The following CADM2 variants were observed in gnomAD, a reference collection of about 807,000 sequenced individuals.
The protein encoded by CADM2 is cell adhesion molecule 2, also known as immunoglobulin superfamily member 4D.
A neutral mutation model predicts 49.8 loss-of-function variants in CADM2; 12 were observed. The observed-to-expected ratio is 0.24, with a 90% confidence interval of 0.15 to 0.39. CADM2 has a LOEUF of 0.39. Ranked by LOEUF, CADM2 falls within the 10% of genes least tolerant of loss-of-function variation. The pLI, the probability that CADM2 is intolerant of heterozygous loss-of-function variation, is 1.00. For missense variants in CADM2, 378 were observed against 492.3 expected (o/e 0.77, Z 2.20); for synonymous variants, 214 against 175.4 (o/e 1.22, Z -1.74).
At chr3:85,621,198 G>A (rs947729886) in intron 1 of CADM2, among the ~76,000 whole-genome samples, 46 of 152,066 alleles carry the variant, frequency 3.0e-4, no homozygotes, top group Admixed American at 1.8e-3. Context: ...GTATTTTCCA[G>A]ATGATCAGAA....
chr3:85,510,695 T>G (rs1184320325), intron 1 of CADM2, among the ~76,000 whole-genome samples: 2 of 152,066 alleles, frequency 1.3e-5, no homozygotes, highest in African/African-American at 2.4e-5. Context: ...ACTCACTCAG[T>G]TAACTCACTT....
intron 1 of CADM2, among the ~76,000 whole-genome samples, chr3:85,256,586 A>T (rs926953020): frequency 2.0e-5 from 3 of 152,104 alleles, no homozygotes; most frequent in Non-Finnish European, 2.9e-5. Context: ...AAATTGTGAA[A>T]CTTGAGATTA....
chr3:85,772,804 T>C (rs1025373791), intron 2 of CADM2, among the ~76,000 whole-genome samples: 3 of 151,892 alleles, frequency 2.0e-5, no homozygotes, highest in Admixed American at 6.6e-5. Context: ...TTTTCTTTTT[T>C]TTTTTTCCCT....
chr3:85,453,427 CAA>C (rs2037843787), intron 1 of CADM2, among the ~76,000 whole-genome samples: 1 of 151,968 alleles, frequency 6.6e-6, no homozygotes, highest in African/African-American at 2.4e-5. Flanking sequence ...TCTTAATTGA[CAA>C]GAGACCCTCT....
At chr3:85,568,872 C>T (rs944495072) in intron 1 of CADM2, among the ~76,000 whole-genome samples, 8 of 151,920 alleles carry the variant, frequency 5.3e-5, no homozygotes, top group Non-Finnish European at 7.4e-5. Context: ...CCTTCCAATA[C>T]GGACAATATT....
At chr3:85,940,023 CAA>C (rs10717960) in intron 7 of CADM2, among the ~76,000 whole-genome samples, 6 of 146,966 alleles carry the variant, frequency 4.1e-5, no homozygotes, top group South Asian at 2.2e-4. Context: ...TTAACAACAA[CAA>C]AAAAAAAACA....
chr3:85,202,335 G>T (rs917201066), intron 1 of CADM2, among the ~76,000 whole-genome samples: 1 of 152,112 alleles, frequency 6.6e-6, no homozygotes, highest in Non-Finnish European at 1.5e-5. Context: ...ATCTATGGAA[G>T]CTAAAGTTTT....
intron 3 of CADM2, among the ~76,000 whole-genome samples, chr3:85,872,156 T>C (rs1412924941): frequency 6.6e-6 from 1 of 152,210 alleles, no homozygotes; most frequent in East Asian, 1.9e-4. Context: ...CCTGTAAGTC[T>C]AGATCTCAAA....
chr3:85,859,224 CTTTTTT>C (rs397990427), intron 3 of CADM2, among the ~76,000 whole-genome samples: 13 of 70,606 alleles, frequency 1.8e-4, no homozygotes, highest in African/African-American at 7.0e-4. Context: ...TTTTTTTTGT[CTTTTTT>C]TTTTTTTTTT....
intron 8 of CADM2, among the ~76,000 whole-genome samples, chr3:85,969,925 A>G (rs1175397348): frequency 6.6e-6 from 1 of 150,468 alleles, no homozygotes; most frequent in East Asian, 2.0e-4. Context: ...ACATATATAC[A>G]CACATATACG....
chr3:85,629,871 T>G (rs1165062851), intron 1 of CADM2, among the ~76,000 whole-genome samples: 1 of 152,030 alleles, frequency 6.6e-6, no homozygotes, highest in Non-Finnish European at 1.5e-5. Flanking sequence ...ACTTCTCAAT[T>G]TTTTCATGTA....
In CADM2 at chr3:85,705,026, A is replaced by AT. The variant is rs35077990; in HGVS notation, c.62-21476dup. ...GGTGCCCACCACCACGCCTGGCTAAATTTTTTTTTTTTTTTTTTTTAAATA... is the reference window on the plus strand; with the variant it reads ...GGTGCCCACCACCACGCCTGGCTAAATTTTTTTTTTTTTTTTTTTTTAAATA... On this transcript the variant is annotated intron_variant, in intron 1 of 9. Transcript: ENST00000383699. 5.2e-3 allele frequency among the ~76,000 whole-genome samples: 684 copies of AT among 131,876 alleles called. 8 individuals are homozygous for AT. The highest frequency in any genetic ancestry group is 9.2e-3 in the South Asian group (37 of 4,042). 86.5% of individuals were successfully genotyped at this position (131,876 alleles called of 152,430 possible).
chr3:85,613,264 G>A (rs2063721767), intron 1 of CADM2, among the ~76,000 whole-genome samples: 1 of 151,084 alleles, frequency 6.6e-6, no homozygotes, highest in Non-Finnish European at 1.5e-5. Context: ...GATATATACA[G>A]GATTTGATGT....
At chr3:85,921,918 G>A (rs749218362) in intron 6 of CADM2, among the ~76,000 whole-genome samples, 11 of 152,012 alleles carry the variant, frequency 7.2e-5, no homozygotes, top group Non-Finnish European at 1.2e-4. Flanking sequence ...GTCATATAAT[G>A]GGAATTTTGC....
intron 1 of CADM2, among the ~76,000 whole-genome samples, chr3:85,135,392 C>A (rs2039385539): frequency 6.6e-6 from 1 of 151,930 alleles, no homozygotes; most frequent in Non-Finnish European, 1.5e-5. Context: ...ATGAGGGGTA[C>A]TTCGGTTTGC....
In CADM2 at chr3:85,344,975, C is replaced by T. The variant is rs185795286; in HGVS notation, c.62-381547C>T. On this transcript the variant is annotated intron_variant, in intron 1 of 9. Coordinates refer to ENST00000383699, the MANE Select transcript of CADM2 (RefSeq NM_001167675.2). Reference sequence around the variant, plus strand: ...CTCTTCCCATTTTAGCAATCTAACACTATCTGATACATATGGTAGCTCATA... The same window carrying T: ...CTCTTCCCATTTTAGCAATCTAACATTATCTGATACATATGGTAGCTCATA... Among the ~76,000 whole-genome samples the T allele has an allele frequency of 4.0e-3, 605 of 152,186 alleles. 3 individuals are homozygous for T. The highest frequency in any genetic ancestry group is 0.02 in the Middle Eastern group (6 of 294).
intron 1 of CADM2, among the ~76,000 whole-genome samples, chr3:85,336,739 TTAAAAA>T (rs1171475886): frequency 1.3e-5 from 2 of 150,146 alleles, no homozygotes; most frequent in Non-Finnish European, 3.0e-5. Context: ...CTTCTGAGAG[TTAAAAA>T]TAAAAATTTC....
intron 1 of CADM2, among the ~76,000 whole-genome samples, chr3:85,076,695 G>A (rs1046400550): frequency 6.6e-6 from 1 of 151,894 alleles, no homozygotes; most frequent in African/African-American, 2.4e-5. Flanking sequence ...TTTTCGGCTG[G>A]GCATGGTGGT....
intron 1 of CADM2, among the ~76,000 whole-genome samples, chr3:85,437,255 C>T (rs1483457777): frequency 4.6e-5 from 7 of 152,094 alleles, no homozygotes. Context: ...CTACTGAATA[C>T]TGAAGGACAT....
Sources: allele counts gnomAD v4.1 joint callset (sites outside exome capture counted in the v4.1 genomes callset), GRCh38; gene constraint gnomAD v4.1.1; transcripts MANE v1.5; gene names NCBI Gene and HGNC (gene_info 2026-07-23, HGNC 2026-07-21).